DLGAP1: variants seen among roughly 807,000 people sequenced by gnomAD.
The protein encoded by DLGAP1 is disks large-associated protein 1.
In DLGAP1, 11 loss-of-function variants were observed where a neutral mutation model predicts 90.8. The ratio of observed to expected loss-of-function variants is 0.12; its 90% confidence interval spans 0.08 to 0.20. The LOEUF (loss-of-function observed/expected upper bound fraction) is 0.20. Ranked by LOEUF, DLGAP1 falls within the 10% of genes least tolerant of loss-of-function variation. DLGAP1 has a pLI of 1.00. For synonymous variants in DLGAP1, 558 were observed against 540.7 expected, an observed-to-expected ratio of 1.03 and a Z score of -0.44; for missense variants, 1,050 against 1,333.8, an observed-to-expected ratio of 0.79 and a Z score of 3.31.
intron 1 of DLGAP1, among the ~76,000 whole-genome samples, chr18:4,451,973 G>A (rs1394735686): frequency 1.3e-5 from 2 of 152,156 alleles, no homozygotes; most frequent in East Asian, 3.9e-4. Context: ...TTATTTCAAT[G>A]GTGTTCCTGT....
At chr18:4,362,096 G>C (rs1290712740) in intron 1 of DLGAP1, among the ~76,000 whole-genome samples, 2 of 152,150 alleles carry the variant, frequency 1.3e-5, no homozygotes, top group African/African-American at 2.4e-5. Context: ...GTGTTGGTGA[G>C]GATGTAGAGA....
At chr18:3,599,104 TA>T (rs746172950) in intron 7 of DLGAP1, among the ~76,000 whole-genome samples, 1 of 152,202 alleles carries the variant, frequency 6.6e-6, no homozygotes, top group Non-Finnish European at 1.5e-5. Context: ...ACCTTTCTGT[TA>T]GGTACTTGTC....
chr18:3,896,088 G>A (rs1599126547), intron 3 of DLGAP1: 1 of 152,320 alleles, frequency 6.6e-6, no homozygotes, highest in African/African-American at 2.4e-5. Context: ...TTACATGTAT[G>A]TGCTGAAAAC....
chr18:3,726,459 GA>G (rs2062184798), intron 7 of DLGAP1, among the ~76,000 whole-genome samples: 2 of 151,578 alleles, frequency 1.3e-5, no homozygotes, highest in African/African-American at 4.8e-5. Flanking sequence ...GTGTGTGAGA[GA>G]GAGAGAGAGA....
intron 7 of DLGAP1, chr18:3,603,229 G>A (rs2145789678): frequency 6.6e-6 from 1 of 152,236 alleles, no homozygotes; most frequent in African/African-American, 2.4e-5. Context: ...ACCTGGCTGC[G>A]AAGTAATAAA....
intron 3 of DLGAP1, among the ~76,000 whole-genome samples, chr18:3,941,260 A>G (rs1449409746): frequency 6.6e-6 from 1 of 152,204 alleles, no homozygotes; most frequent in Non-Finnish European, 1.5e-5. Context: ...TGCCTGGCCA[A>G]TGGTTTGCAC....
intron 1 of DLGAP1, among the ~76,000 whole-genome samples, chr18:4,426,298 C>T (rs2083152526): frequency 6.6e-6 from 1 of 152,162 alleles, no homozygotes; most frequent in Non-Finnish European, 1.5e-5. Flanking sequence ...AAGATATCTT[C>T]CCCTTAAAAA....
chr18:4,181,481 C>A (rs1183470867), intron 1 of DLGAP1, among the ~76,000 whole-genome samples: 2 of 152,136 alleles, frequency 1.3e-5, no homozygotes, highest in African/African-American at 4.8e-5. Context: ...GCAGCAGGAG[C>A]TACCCGTGAT....
At chr18:3,898,640 C>T (rs998658180) in intron 3 of DLGAP1, among the ~76,000 whole-genome samples, 1 of 152,134 alleles carries the variant, frequency 6.6e-6, no homozygotes, top group Non-Finnish European at 1.5e-5. Flanking sequence ...GCAAGCTGAC[C>T]TTGTGTGGTG....
chr18:3,629,416 A>T (rs1284652850), intron 7 of DLGAP1, among the ~76,000 whole-genome samples: 1 of 152,146 alleles, frequency 6.6e-6, no homozygotes, highest in East Asian at 1.9e-4. Context: ...TCAACCCTGT[A>T]ATCCCAGCAC....
At chr18:4,139,312 C>A (rs1283089839) in intron 2 of DLGAP1, among the ~76,000 whole-genome samples, 1 of 151,806 alleles carries the variant, frequency 6.6e-6, no homozygotes, top group Non-Finnish European at 1.5e-5. Context: ...GGCTTTCATA[C>A]GTTGTGTTTC....
chr18:4,160,075 AATTT>A (rs2076819875), intron 1 of DLGAP1, among the ~76,000 whole-genome samples: 1 of 152,240 alleles, frequency 6.6e-6, no homozygotes, highest in African/African-American at 2.4e-5. Context: ...AAAGATTTAC[AATTT>A]ATTTACAACT....
At chr18:4,017,718 G>A (rs1284961910) in intron 2 of DLGAP1, among the ~76,000 whole-genome samples, 1 of 152,186 alleles carries the variant, frequency 6.6e-6, no homozygotes, top group Non-Finnish European at 1.5e-5. Flanking sequence ...AGAATACAGC[G>A]GAGACAAGAG....
At chr18:4,450,294 A>G (rs1277868121) in intron 1 of DLGAP1, among the ~76,000 whole-genome samples, 1 of 152,230 alleles carries the variant, frequency 6.6e-6, no homozygotes, top group African/African-American at 2.4e-5. Flanking sequence ...AAGAAGGGGT[A>G]TCCAGGGAAA....
At chr18:3,791,287 A>G (rs2065722276) in intron 5 of DLGAP1, among the ~76,000 whole-genome samples, 1 of 152,272 alleles carries the variant, frequency 6.6e-6, no homozygotes, top group African/African-American at 2.4e-5. Context: ...AATTGGCTTA[A>G]TATAGCGTAG....
chr18:3,823,402 T>C (rs1249269723), intron 4 of DLGAP1, among the ~76,000 whole-genome samples: 1 of 152,130 alleles, frequency 6.6e-6, no homozygotes, highest in African/African-American at 2.4e-5. Flanking sequence ...AAACATAATT[T>C]CACGTAATAC....
rs537487113 is a variant in DLGAP1 at position 3,915,793 on chromosome 18, T to C, written c.-72-35653A>G. Among the ~76,000 whole-genome samples the C allele has an allele frequency of 3.3e-5, 5 of 152,312 alleles. No individual in the cohort carries two copies. The South Asian group carries it at 1.0e-3, about 32-fold the overall frequency. On this transcript the variant is annotated intron_variant, in intron 3 of 12. Coordinates refer to ENST00000315677, the MANE Select transcript of DLGAP1 (RefSeq NM_004746.4). Reference sequence around the variant, plus strand: ...TGAAAACTTATTTTGAAACCTTATTTATTTTTTTTTTCTTTTCCTGTAGTC... The same window carrying C: ...TGAAAACTTATTTTGAAACCTTATTCATTTTTTTTTTCTTTTCCTGTAGTC...
intron 6 of DLGAP1, among the ~76,000 whole-genome samples, chr18:3,741,127 CCACCACCA>C (rs2062957191): frequency 1.7e-5 from 2 of 117,634 alleles, no homozygotes; most frequent in African/African-American, 3.3e-5. Flanking sequence ...ACCATCACCA[CCACCACCA>C]CATCACCATC....
intron 4 of DLGAP1, among the ~76,000 whole-genome samples, chr18:3,847,449 T>C (rs1186199003): frequency 6.6e-6 from 1 of 150,752 alleles, no homozygotes; most frequent in Admixed American, 6.6e-5. Context: ...TCTGCAAGAG[T>C]AAGAGCACCA....
Sources: allele counts gnomAD v4.1 joint callset (sites outside exome capture counted in the v4.1 genomes callset), GRCh38; gene constraint gnomAD v4.1.1; transcripts MANE v1.5; gene names NCBI Gene and HGNC (gene_info 2026-07-23, HGNC 2026-07-21).